MAGI1: variants seen among roughly 807,000 people sequenced by gnomAD.
The protein encoded by MAGI1 is membrane associated guanylate kinase, WW and PDZ domain containing 1, also known as membrane-associated guanylate kinase, WW and PDZ domain-containing protein 1.
A neutral mutation model predicts 139.9 loss-of-function variants in MAGI1; 58 were observed. The observed-to-expected ratio is 0.41, with a 90% CI of 0.34 to 0.52. The LOEUF (loss-of-function observed/expected upper bound fraction) is 0.52. MAGI1 is among the 20% of genes least tolerant of loss of function. The pLI, the probability that MAGI1 is intolerant of heterozygous loss-of-function variation, is 0.12. For missense variants in MAGI1, 1,874 were observed against 1,901.6 expected, an observed-to-expected ratio of 0.99 and a Z score of 0.27; for synonymous variants, 812 against 737.9, an observed-to-expected ratio of 1.10 and a Z score of -1.63.
intron 2 of MAGI1, among the ~76,000 whole-genome samples, chr3:65,550,584 G>A (rs1224505162): frequency 6.6e-6 from 1 of 152,166 alleles, no homozygotes; most frequent in Non-Finnish European, 1.5e-5. Flanking sequence ...GTGGACCACA[G>A]CAATAGTGAT....
At chr3:65,703,272 G>T (rs375234060) in intron 1 of MAGI1, among the ~76,000 whole-genome samples, 1 of 152,182 alleles carries the variant, frequency 6.6e-6, no homozygotes, top group Non-Finnish European at 1.5e-5. Context: ...CACCACAAGG[G>T]CATCTGCTGG....
intron 1 of MAGI1, among the ~76,000 whole-genome samples, chr3:65,786,866 C>T (rs2039429524): frequency 6.6e-6 from 1 of 152,042 alleles, no homozygotes; most frequent in South Asian, 2.1e-4. Flanking sequence ...CCGCCCGCCT[C>T]GGCCTCCCAA....
At chr3:65,508,866 C>A (rs2077419828) in intron 2 of MAGI1, among the ~76,000 whole-genome samples, 1 of 152,200 alleles carries the variant, frequency 6.6e-6, no homozygotes, top group South Asian at 2.1e-4. Context: ...TGGGTTCCAT[C>A]TGATTTGTCA....
At chr3:65,987,985 A>G (rs1295725024) in intron 1 of MAGI1, among the ~76,000 whole-genome samples, 1 of 152,264 alleles carries the variant, frequency 6.6e-6, no homozygotes, top group Admixed American at 6.5e-5. Flanking sequence ...TCCTAGTGTT[A>G]TAAGGACAAA....
chr3:65,553,741 G>A (rs1282635793), intron 2 of MAGI1, among the ~76,000 whole-genome samples: 1 of 152,158 alleles, frequency 6.6e-6, no homozygotes, highest in African/African-American at 2.4e-5. Flanking sequence ...ATGTGAGTAA[G>A]GTTACAAATG....
intron 1 of MAGI1, among the ~76,000 whole-genome samples, chr3:65,913,453 T>C (rs935212943): frequency 1.3e-5 from 2 of 152,140 alleles, no homozygotes; most frequent in Non-Finnish European, 2.9e-5. Flanking sequence ...CTGACCTAAA[T>C]TTGGGAGAGG....
chr3:65,391,656 C>T (rs1386763331), intron 13 of MAGI1, among the ~76,000 whole-genome samples: 4 of 152,108 alleles, frequency 2.6e-5, no homozygotes, highest in South Asian at 2.1e-4. Context: ...ACGCTATGCT[C>T]GTTTACTGCA....
chr3:65,674,335 A>G (rs2087051341), intron 1 of MAGI1, among the ~76,000 whole-genome samples: 1 of 152,194 alleles, frequency 6.6e-6, no homozygotes, highest in African/African-American at 2.4e-5. Flanking sequence ...GATTCTTGCC[A>G]AAGCTGAAGA....
chr3:65,779,589 T>G (rs1296616618), intron 1 of MAGI1, among the ~76,000 whole-genome samples: 2 of 152,234 alleles, frequency 1.3e-5, no homozygotes, highest in Non-Finnish European at 2.9e-5. Flanking sequence ...CTTGACAGAT[T>G]TATCCCCTAA....
rs1304402200 is a variant in MAGI1 at position 65,356,435 on chromosome 3, A to AT, written c.4331dup (p.His1444GlnfsTer14). The AT allele has an allele frequency of 6.2e-7, 1 of 1,608,152 alleles. No individual in the cohort carries two copies. Among genetic ancestry groups the AT allele is most frequent in the East Asian group, 2.2e-5 (1 of 44,652 alleles). On this transcript the variant is annotated frameshift_variant, in exon 23 of 23. Coordinates refer to ENST00000402939, the MANE Select transcript of MAGI1 (RefSeq NM_001033057.2). LOFTEE classifies it high-confidence loss of function. ...AAGGTCGCCTTCTCTGCTCCGGGGG[A>AT]TGTCTGGAACTTCTGCCGGCATCCT...
chr3:65,795,727 G>GGA (rs67313047), intron 1 of MAGI1, among the ~76,000 whole-genome samples: 804 of 64,402 alleles, frequency 0.012, 9 homozygotes, highest in African/African-American at 0.034. Flanking sequence ...ACACACACAC[G>GGA]GAGAGAGAGA....
At chr3:65,972,291 C>T (rs939639675) in intron 1 of MAGI1, among the ~76,000 whole-genome samples, 3 of 152,188 alleles carry the variant, frequency 2.0e-5, no homozygotes, top group African/African-American at 4.8e-5. Context: ...TTAACTATTG[C>T]GAGAAAGGAG....
chr3:65,946,088 T>G (rs1162539453), intron 1 of MAGI1, among the ~76,000 whole-genome samples: 1 of 152,244 alleles, frequency 6.6e-6, no homozygotes, highest in Non-Finnish European at 1.5e-5. Context: ...GGCCTGGCCC[T>G]AGGGTCCGCC....
At chr3:65,642,427 G>A (rs1279524598) in intron 1 of MAGI1, among the ~76,000 whole-genome samples, 1 of 152,136 alleles carries the variant, frequency 6.6e-6, no homozygotes, top group Non-Finnish European at 1.5e-5. Context: ...AAGCCTTTGA[G>A]AATTTTACAT....
At chr3:66,031,757 T>C (rs2068607349) in intron 1 of MAGI1, among the ~76,000 whole-genome samples, 1 of 147,484 alleles carries the variant, frequency 6.8e-6, no homozygotes, top group South Asian at 2.2e-4. Flanking sequence ...TTGTGTTCTG[T>C]AGCAAAGATC....
chr3:65,537,021 C>T (rs1408520766), intron 2 of MAGI1, among the ~76,000 whole-genome samples: 1 of 152,130 alleles, frequency 6.6e-6, no homozygotes, highest in Non-Finnish European at 1.5e-5. Flanking sequence ...CTGGCTATGA[C>T]AATGGAATGA....
chr3:65,911,129 AT>A (rs2061650564), intron 1 of MAGI1, among the ~76,000 whole-genome samples: 2 of 151,302 alleles, frequency 1.3e-5, no homozygotes, highest in South Asian at 4.2e-4. Flanking sequence ...AAGTGATAGG[AT>A]TACAAGAGTG....
intron 22 of MAGI1, chr3:65,360,607 C>T: frequency 2.0e-6 from 2 of 985,408 alleles, no homozygotes; most frequent in South Asian, 9.4e-5. Flanking sequence ...AACATTATGG[C>T]TAATATATTA....
intron 1 of MAGI1, among the ~76,000 whole-genome samples, chr3:65,930,166 A>G (rs1160561125): frequency 6.6e-6 from 1 of 151,778 alleles, no homozygotes; most frequent in Non-Finnish European, 1.5e-5. Context: ...AATACAAAAA[A>G]TTAGTCGGGC....
Sources: allele counts gnomAD v4.1 joint callset (sites outside exome capture counted in the v4.1 genomes callset), GRCh38; gene constraint gnomAD v4.1.1; transcripts MANE v1.5; gene names NCBI Gene and HGNC (gene_info 2026-07-23, HGNC 2026-07-21).